Variants in RHCG observed in about 807,000 individuals in gnomAD.
RHCG encodes Rh family C glycoprotein.
In RHCG, 39 loss-of-function variants were observed where a neutral mutation model predicts 55.3. The ratio of observed to expected loss-of-function variants is 0.70; its 90% CI spans 0.55 to 0.92. RHCG has a LOEUF of 0.92. RHCG is among the 40% of genes least tolerant of loss of function. RHCG has a pLI of 0.00. For missense variants in RHCG, 635 were observed against 627.9 expected, an observed-to-expected ratio of 1.01 and a Z score of -0.12; for synonymous variants, 250 against 246.8, an observed-to-expected ratio of 1.01 and a Z score of -0.12.
intron 1 of RHCG, among the ~76,000 whole-genome samples, chr15:89,489,058 T>A (rs900895794): frequency 2.6e-4 from 39 of 152,160 alleles, no homozygotes; most frequent in Non-Finnish European, 1.5e-5. Context: ...TGCGTGTGCA[T>A]CCGTGTAGAG....
intron 1 of RHCG, among the ~76,000 whole-genome samples, chr15:89,491,296 G>A (rs1465824711): frequency 1.3e-5 from 2 of 152,074 alleles, no homozygotes; most frequent in African/African-American, 2.4e-5. Flanking sequence ...CTGTCTGGGG[G>A]TGTCTCTTTT....
rs759512673 is a variant in RHCG, at chr15:89,479,344, T to C, written c.815A>G (p.His272Arg). 1 of 1,614,044 alleles carries C rather than the reference T, an allele frequency of 6.2e-7. No individual in the cohort carries two copies. Among genetic ancestry groups the C allele is most frequent in the East Asian group, 2.2e-5 (1 of 44,860 alleles). ...LTSVAISSAL[H>R]KKGKLDMVHI... ...CACCATGTCCAGCTTGCCCTTCTTG[T>C]GCAGGGCACTGGATATTGCCACCGA... Residue 272 changes from histidine (H) to arginine (R), a missense_variant, in exon 5 of 11, where the codon CAC becomes CGC. By Grantham distance (29) the His-to-Arg change is conservative. Transcript: ENST00000268122.
intron 1 of RHCG, among the ~76,000 whole-genome samples, chr15:89,489,358 A>G (rs1440496318): frequency 6.6e-6 from 1 of 152,096 alleles, no homozygotes; most frequent in East Asian, 1.9e-4. Flanking sequence ...TCCAGGCCTC[A>G]AGTGATCTGT....
At chr15:89,472,623 G>C in intron 10 of RHCG, 88 bp downstream of exon 10, 1 of 1,313,612 alleles carries the variant, frequency 7.6e-7, no homozygotes, top group Non-Finnish European at 1.0e-6. Flanking sequence ...TTTGCTTTTT[G>C]CCTCTTTGCT....
At chr15:89,490,428 T>A (rs552305580) in intron 1 of RHCG, among the ~76,000 whole-genome samples, 68 of 152,360 alleles carry the variant, frequency 4.5e-4, no homozygotes, top group African/African-American at 1.5e-3. Context: ...TGAGTTTACA[T>A]GAACAAATAC....
intron 1 of RHCG, among the ~76,000 whole-genome samples, chr15:89,490,732 TG>T (rs1383652545): frequency 7.6e-6 from 1 of 131,164 alleles, no homozygotes; most frequent in Admixed American, 8.1e-5. Flanking sequence ...GGTTGCTGCG[TG>T]GGAGGGAGGT....
Position 89,490,774 on chromosome 15 carries a change from A to G in RHCG, c.185-3789T>C, listed in dbSNP as rs141176658. On this transcript the variant is annotated intron_variant, in intron 1 of 10. Coordinates refer to ENST00000268122, the MANE Select transcript of RHCG (RefSeq NM_016321.3). ...GTCTGGCCTGGCCGTGGTGAATTTC[A>G]GATGACCAGGGGGGTGAGGGCTGGG... Among the ~76,000 whole-genome samples the G allele has an allele frequency of 4.8e-3, 710 of 147,104 alleles. 3 individuals carry two copies. The highest frequency in any genetic ancestry group is 0.016 in the African/African-American group (646 of 39,482).
intron 1 of RHCG, among the ~76,000 whole-genome samples, chr15:89,491,783 A>C (rs1253632976): frequency 6.9e-6 from 1 of 145,580 alleles, no homozygotes; most frequent in Non-Finnish European, 1.5e-5. Context: ...ATAAAAATTA[A>C]AAAAAAAAAG....
intron 1 of RHCG, among the ~76,000 whole-genome samples, chr15:89,490,833 C>T (rs1961461884): frequency 6.6e-6 from 1 of 151,528 alleles, no homozygotes; most frequent in Non-Finnish European, 1.5e-5. Context: ...GAAATGGAGC[C>T]TGGCTGTGGG....
chr15:89,474,013 A>C (rs551891656), intron 9 of RHCG, among the ~76,000 whole-genome samples: 1 of 152,366 alleles, frequency 6.6e-6, no homozygotes, highest in African/African-American at 2.4e-5. Context: ...TAAATATAGA[A>C]TAGAAATAAT....
At chr15:89,475,192 T>G (rs62020822) in intron 9 of RHCG, among the ~76,000 whole-genome samples, 5 of 99,098 alleles carry the variant, frequency 5.0e-5, no homozygotes, top group South Asian at 7.3e-4. Flanking sequence ...CTGCCTGCCT[T>G]CCTTCCTTCT....
intron 1 of RHCG, among the ~76,000 whole-genome samples, chr15:89,492,406 GC>G (rs1961493001): frequency 2.0e-5 from 3 of 151,940 alleles, no homozygotes; most frequent in African/African-American, 7.3e-5. Context: ...GCTGGGTGCT[GC>G]CCCCCTCCCC....
intron 10 of RHCG, among the ~76,000 whole-genome samples, chr15:89,472,156 G>A (rs1312129056): frequency 3.9e-5 from 6 of 152,174 alleles, no homozygotes; most frequent in Non-Finnish European, 7.3e-5. Flanking sequence ...GAACTTCTCC[G>A]AGCCTTAGTT....
intron 2 of RHCG, 50 bp from the exon 3 acceptor site, chr15:89,483,267 C>A (rs1350218808): frequency 1.4e-6 from 2 of 1,456,928 alleles, no homozygotes; most frequent in Non-Finnish European, 1.8e-6. Context: ...CAAAAAGTGG[C>A]ACTGGAGGCC....
chr15:89,486,860 G>T lies in RHCG; in HGVS notation c.310C>A (p.Leu104Met), dbSNP rs1321625785. Residue 104 changes from leucine to methionine, a missense_variant, in exon 2 of 11, where the codon CTG (leucine) becomes ATG (methionine). Physicochemically the swap from Leu to Met is conservative, Grantham distance 15. Transcript: ENST00000268122. ...AAGTGGAACCAGCCCTGCATGAGCA[G>T]CGCCCACTGGATGCCGAAGGCTGCC... ...LLAAFGIQWALLMQGWFHFLQ... is the reference protein window; with the variant it reads ...LLAAFGIQWAMLMQGWFHFLQ... 6.2e-7 allele frequency: 1 copy of T among 1,611,858 alleles called. No homozygotes were observed.
chr15:89,494,143 G>A (rs546127754), intron 1 of RHCG, among the ~76,000 whole-genome samples: 7 of 151,722 alleles, frequency 4.6e-5, no homozygotes, highest in East Asian at 1.9e-4. Context: ...GCCCCTCCTC[G>A]CAACACCACC....
At chr15:89,486,705 T>A (rs1420237082) in intron 2 of RHCG, 94 bp downstream of exon 2, 1 of 1,290,258 alleles carries the variant, frequency 7.8e-7, no homozygotes. Context: ...CAAGCCCGGG[T>A]CCCGCCGATG....
Position 89,471,763 on chromosome 15 carries a change from C to T in RHCG, c.*117G>A. On this transcript the variant is annotated 3_prime_UTR_variant, in exon 11 of 11. Transcript: ENST00000268122. ...GGGCAGGGGTGGAGGCACCTTGAGG[C>T]CAAGCCAGCAGGTGGGGGTGCTGCT... is the stretch of plus-strand genomic sequence containing the variant. The T allele has an allele frequency of 6.5e-6, 1 of 152,996 alleles. No individual in the cohort carries two copies. Among genetic ancestry groups the T allele is most frequent in the Non-Finnish European group, 1.5e-5 (1 of 68,196 alleles). 9.5% of individuals were successfully genotyped at this position (152,996 alleles called of 1,614,324 possible). A position where few individuals can be genotyped will look rare whatever the true frequency, so the allele number is the denominator to read the frequency against.
chr15:89,489,322 C>A (rs1049419693), intron 1 of RHCG, among the ~76,000 whole-genome samples: 5 of 151,834 alleles, frequency 3.3e-5, no homozygotes, highest in African/African-American at 1.2e-4. Context: ...CAGGATTTTG[C>A]TATGTGGGCC....
Sources: allele counts gnomAD v4.1 joint callset (sites outside exome capture counted in the v4.1 genomes callset), GRCh38; gene constraint gnomAD v4.1.1; transcripts MANE v1.5; gene names NCBI Gene and HGNC (gene_info 2026-07-23, HGNC 2026-07-21).